The following PI4KA variants were observed in gnomAD, a reference collection of about 807,000 sequenced individuals.
The protein encoded by PI4KA is PI4-kinase alpha.
PI4KA carries 122 observed loss-of-function variants against 271.4 expected under a neutral mutation model. That is an observed-to-expected ratio of 0.45 (90% CI 0.39 to 0.52). PI4KA has a LOEUF of 0.52. Among genes scored for constraint, PI4KA ranks in the 20% least tolerant of loss-of-function variants. The pLI is 0.00. For synonymous variants in PI4KA, 1,041 were observed against 1,078.8 expected, an observed-to-expected ratio of 0.96 and a Z score of 0.69; for missense variants, 1,969 against 2,769.1, an observed-to-expected ratio of 0.71 and a Z score of 6.48.
chr22:20,829,231 T>C (rs1244773838), intron 3 of PI4KA, among the ~76,000 whole-genome samples: 1 of 152,194 alleles, frequency 6.6e-6, no homozygotes, highest in African/African-American at 2.4e-5. Context: ...GTAGGAGTGG[T>C]ACCAGCTCTT....
At chr22:20,780,981 A>C (rs559192471) in intron 19 of PI4KA, among the ~76,000 whole-genome samples, 3 of 152,044 alleles carry the variant, frequency 2.0e-5, no homozygotes, top group Non-Finnish European at 4.4e-5. Context: ...ATATAGACAA[A>C]AGGCTAAAGA....
rs1935157653 is a variant in PI4KA, at chr22:20,799,267, G to C, written c.1830C>G (p.His610Gln). ...CTCGGATTGTGTGGTCGGGAATCAA[G>C]TGAGCGTCCCTACAGAAGGAAGAAC... is the stretch of plus-strand genomic sequence containing the variant. The part of the protein sequence containing the change: ...YISQESDKDA[H>Q]LIPDHTIRAL... Residue 610 changes from histidine (H) to glutamine (Q), a missense_variant, in exon 16 of 55, where the codon CAC becomes CAG. By Grantham distance (24) the His-to-Gln change is conservative. Coordinates refer to ENST00000255882, the MANE Select transcript of PI4KA (RefSeq NM_058004.4). The C allele has an allele frequency of 6.6e-7, 1 of 1,524,032 alleles. No individual in the cohort carries two copies. 94.4% of individuals were successfully genotyped at this position (1,524,032 alleles called of 1,614,324 possible). A position where few individuals can be genotyped will look rare whatever the true frequency, so the allele number is the denominator to read the frequency against.
intron 18 of PI4KA, among the ~76,000 whole-genome samples, chr22:20,795,615 C>T (rs945721822): frequency 2.6e-5 from 4 of 152,096 alleles, no homozygotes; most frequent in African/African-American, 7.2e-5. Flanking sequence ...GACTAGTGCC[C>T]ACGTGACATG....
intron 3 of PI4KA, among the ~76,000 whole-genome samples, chr22:20,827,471 T>C (rs1923571903): frequency 1.3e-5 from 2 of 152,224 alleles, no homozygotes; most frequent in Admixed American, 1.3e-4. Context: ...AGGTGAAGTT[T>C]GAAGTTGGGT....
chr22:20,843,097 C>T (rs151254977), intron 1 of PI4KA, among the ~76,000 whole-genome samples: 11 of 113,886 alleles, frequency 9.7e-5, no homozygotes, highest in Non-Finnish European at 2.1e-4. Flanking sequence ...GACTCCGTCT[C>T]AAAAAAAAAA....
At chr22:20,828,808 C>T (rs891446820) in intron 3 of PI4KA, among the ~76,000 whole-genome samples, 1 of 152,174 alleles carries the variant, frequency 6.6e-6, no homozygotes, top group Non-Finnish European at 1.5e-5. Flanking sequence ...CCACCTCGGC[C>T]TCCCAAAGTG....
chr22:20,776,998 T>G lies in PI4KA; in HGVS notation c.2329-11305A>C, dbSNP rs145784932. ...CCTCAAATATCTATCTAATAGGAAA[T>G]GGTCACAGACACAAAATAAGCTTAA... On this transcript the variant is annotated intron_variant, in intron 19 of 54. Coordinates refer to ENST00000255882, the MANE Select transcript of PI4KA (RefSeq NM_058004.4). 1.6e-3 allele frequency among the ~76,000 whole-genome samples: 236 copies of G among 152,098 alleles called. 1 individual carries two copies. The highest frequency in any genetic ancestry group is 6.8e-3 in the Middle Eastern group (2 of 294).
In PI4KA at chr22:20,799,046, C is replaced by T. The variant is rs375638310; in HGVS notation, c.2004+47G>A. The T allele has an allele frequency of 1.5e-5, 22 of 1,495,426 alleles. No individual in the cohort carries two copies. The African/African-American group carries it at 1.7e-4, about 11-fold the overall frequency. The allele number at this position is 1,495,426 out of a possible 1,614,324, so 92.6% of individuals were successfully genotyped here. A position where few individuals can be genotyped will look rare whatever the true frequency, so the allele number is the denominator to read the frequency against. On this transcript the variant is annotated intron_variant, in intron 16 of 54. Coordinates refer to ENST00000255882, the MANE Select transcript of PI4KA (RefSeq NM_058004.4). ...ACATCCCTTATAGTCAAGAGTTTAA[C>T]GTAGCTTGCACAGGGTTAGTGGTGT...
At chr22:20,774,087 T>G (rs1189582081) in intron 19 of PI4KA, 1 of 152,204 alleles carries the variant, frequency 6.6e-6, no homozygotes, top group Non-Finnish European at 1.5e-5. Flanking sequence ...CACATCAAAA[T>G]CCCACTGATG....
chr22:20,819,650 G>A lies in PI4KA; in HGVS notation c.780C>T (p.Ser260=), dbSNP rs777226753. ...AGTAGCCCAGGCCCACCTGAGAGAT[G>A]CTGGACACACTGCTGGTTTTCCTCT... is the stretch of plus-strand genomic sequence containing the variant. The part of the protein sequence containing the change: ...TLKRKTSSVS[S]ISQVSPERGM... The change falls in exon 6 of 55, where the codon AGC becomes AGT. Residue 260 remains serine (S), a synonymous_variant. Coordinates refer to ENST00000255882, the MANE Select transcript of PI4KA (RefSeq NM_058004.4). The A allele has an allele frequency of 6.2e-7, 1 of 1,613,942 alleles. No individual in the cohort carries two copies. The highest frequency in any genetic ancestry group is 8.5e-7 in the Non-Finnish European group (1 of 1,179,930).
chr22:20,804,583 C>A, intron 11 of PI4KA, among the ~76,000 whole-genome samples, 183 bp from the exon 12 acceptor site: 1 of 152,304 alleles, frequency 6.6e-6, no homozygotes, highest in Non-Finnish European at 1.5e-5. Flanking sequence ...TGGCCCTAAG[C>A]CCCCTTGTCC....
chr22:20,764,532 C>T lies in PI4KA; in HGVS notation c.2708+285G>A, dbSNP rs165766. On this transcript the variant is annotated intron_variant, in intron 22 of 54. Coordinates refer to ENST00000255882, the MANE Select transcript of PI4KA (RefSeq NM_058004.4). ...GTCCTCAGAAGGGCCTCGCTCAGTCCGTGGGCTGAGTTCACAACACTGACT... is the reference window on the plus strand; with the variant it reads ...GTCCTCAGAAGGGCCTCGCTCAGTCTGTGGGCTGAGTTCACAACACTGACT... 56,293 of 337,294 alleles carry T rather than the reference C, an allele frequency of 0.17. 5,355 individuals carry two copies. The highest frequency in any genetic ancestry group is 0.27 in the Middle Eastern group (307 of 1,134). 20.9% of individuals were successfully genotyped at this position (337,294 alleles called of 1,614,324 possible). A position where few individuals can be genotyped will look rare whatever the true frequency, so the allele number is the denominator to read the frequency against.
chr22:20,712,305 T>C (rs889670973), intron 50 of PI4KA, 181 bp downstream of exon 50: 1 of 936,244 alleles, frequency 1.1e-6, no homozygotes, highest in African/African-American at 1.8e-5. Context: ...TCTGCCCGCC[T>C]CGGCCTCCCA....
chr22:20,730,304 C>T (rs1190303633), intron 36 of PI4KA, among the ~76,000 whole-genome samples: 1 of 152,114 alleles, frequency 6.6e-6, no homozygotes, highest in Admixed American at 6.5e-5. Context: ...GATGGAGTTT[C>T]GCTCCTGTTG....
chr22:20,854,690 G>A (rs1016394217), intron 1 of PI4KA, among the ~76,000 whole-genome samples: 1 of 152,012 alleles, frequency 6.6e-6, no homozygotes, highest in Non-Finnish European at 1.5e-5. Flanking sequence ...CAAGCCCCAC[G>A]CAGTCCTCCA....
chr22:20,801,542 G>A (rs1034345882), intron 14 of PI4KA, among the ~76,000 whole-genome samples: 4 of 151,096 alleles, frequency 2.6e-5, no homozygotes, highest in Non-Finnish European at 4.4e-5. Context: ...CTGAGATTGC[G>A]CCATTGCACT....
intron 18 of PI4KA, among the ~76,000 whole-genome samples, chr22:20,794,729 G>C (rs1934875652): frequency 1.3e-5 from 2 of 152,322 alleles, no homozygotes; most frequent in African/African-American, 4.8e-5. Context: ...CAGCGCCACA[G>C]GCAGAGAGGA....
At chr22:20,817,529 G>A (rs1183296531) in intron 7 of PI4KA, among the ~76,000 whole-genome samples, 1 of 151,582 alleles carries the variant, frequency 6.6e-6, no homozygotes, top group Non-Finnish European at 1.5e-5. Context: ...GAGCCTAGGA[G>A]TTCCGGACCA....
chr22:20,780,067 A>T, intron 19 of PI4KA: 1 of 1,614,176 alleles, frequency 6.2e-7, no homozygotes, highest in South Asian at 1.1e-5. Flanking sequence ...CAGATAGCTG[A>T]CTTCTCAGAC....
Sources: allele counts gnomAD v4.1 joint callset (sites outside exome capture counted in the v4.1 genomes callset), GRCh38; gene constraint gnomAD v4.1.1; transcripts MANE v1.5; gene names NCBI Gene and HGNC (gene_info 2026-07-23, HGNC 2026-07-21).